SH2D6: variants seen among roughly 807,000 people sequenced by gnomAD.
SH2D6 encodes SH2 domain-containing protein 6.
A neutral mutation model predicts 30.2 loss-of-function variants in SH2D6; 31 were observed. The observed-to-expected ratio is 1.03, with a 90% CI of 0.77 to 1.38. The LOEUF (loss-of-function observed/expected upper bound fraction) is 1.38. Among genes scored for constraint, SH2D6 ranks in the 40% most tolerant of loss-of-function variants. SH2D6 has a pLI of 0.00. For missense variants in SH2D6, 240 were observed against 266.8 expected, an observed-to-expected ratio of 0.90 and a Z score of 0.70; for synonymous variants, 93 against 104.6, an observed-to-expected ratio of 0.89 and a Z score of 0.68.
At chr2:85,428,781 T>C (rs1288280197) in intron 7 of SH2D6, 84 bp downstream of exon 7, 1 of 152,174 alleles carries the variant, frequency 6.6e-6, no homozygotes, top group Non-Finnish European at 1.5e-5. Flanking sequence ...ATACACTCAG[T>C]TTCCTCATTT....
chr2:85,435,298 G>C, intron 20 of SH2D6, 115 bp from the exon 21 acceptor site: 1 of 1,313,920 alleles, frequency 7.6e-7, no homozygotes, highest in South Asian at 1.3e-5. Context: ...CTGCCTGAGG[G>C]GGACTCAGTT....
chr2:85,427,852 T>G (rs970520889), intron 6 of SH2D6, among the ~76,000 whole-genome samples: 4 of 152,104 alleles, frequency 2.6e-5, no homozygotes, highest in African/African-American at 9.7e-5. Context: ...TTGGATGCCC[T>G]TTTGCCTGCA....
At chr2:85,420,166 G>C (rs565294359) in intron 2 of SH2D6, among the ~76,000 whole-genome samples, 3 of 152,064 alleles carry the variant, frequency 2.0e-5, no homozygotes, top group Non-Finnish European at 4.4e-5. Flanking sequence ...GTGCAGTGGC[G>C]CAATCTCGGT....
At chr2:85,428,021 C>T (rs973231302) in intron 6 of SH2D6, among the ~76,000 whole-genome samples, 2 of 152,148 alleles carry the variant, frequency 1.3e-5, no homozygotes, top group Non-Finnish European at 2.9e-5. Flanking sequence ...AGCTCCAGGG[C>T]CTTAGAAGTT....
chr2:85,424,858 G>C (rs1687919183), intron 5 of SH2D6, among the ~76,000 whole-genome samples: 1 of 152,160 alleles, frequency 6.6e-6, no homozygotes, highest in Admixed American at 6.5e-5. Context: ...ACAAGGTCAG[G>C]AGTTTGAGAT....
chr2:85,426,928 A>G (rs533739667), intron 6 of SH2D6, among the ~76,000 whole-genome samples: 194 of 152,266 alleles, frequency 1.3e-3, no homozygotes, highest in Non-Finnish European at 2.4e-3. Context: ...CCAGGTAGGT[A>G]GTGTTGGAAT....
chr2:85,425,053 G>C (rs1221070186), intron 5 of SH2D6, among the ~76,000 whole-genome samples: 3 of 152,030 alleles, frequency 2.0e-5, no homozygotes, highest in Non-Finnish European at 2.9e-5. Context: ...GTGACAGAGC[G>C]AGACTCCATC....
At chr2:85,435,359 G>T in intron 20 of SH2D6, 54 bp from the exon 21 acceptor site, 1 of 1,577,410 alleles carries the variant, frequency 6.3e-7, no homozygotes, top group Non-Finnish European at 8.7e-7. Flanking sequence ...CCTCGGCTCC[G>T]CATGCCTGAT....
At chr2:85,421,133 A>G (rs1305335473) in intron 2 of SH2D6, among the ~76,000 whole-genome samples, 1 of 152,212 alleles carries the variant, frequency 6.6e-6, no homozygotes, top group South Asian at 2.1e-4. Context: ...TGTGCTGAAG[A>G]AGGAAGCCTA....
chr2:85,427,748 C>T (rs1298026469), intron 6 of SH2D6, among the ~76,000 whole-genome samples: 1 of 152,222 alleles, frequency 6.6e-6, no homozygotes, highest in African/African-American at 2.4e-5. Context: ...AGAACCAATT[C>T]TGGATGAGGA....
At position 85,435,086 on chromosome 2, in the gene SH2D6, C is replaced by T; in HGVS notation, c.611C>T (p.Pro204Leu). Residue 204 changes from proline (P) to leucine (L), a missense_variant, in exon 20 of 24, where the codon CCC (proline) becomes CTC (leucine). Coordinates refer to ENST00000469800, the MANE Select transcript of SH2D6 (RefSeq NM_001394463.1). ...ASKEGRKSSL[P>L]SVAPTGSASA... ...CTAGAAGGAAGGAAATCGTCTCTTC[C>T]CTCTGTAGCCCCCACTGGGAGTGCC... 2.8e-6 allele frequency: 4 copies of T among 1,449,410 alleles called. No homozygotes were observed. Among genetic ancestry groups the T allele is most frequent in the Non-Finnish European group, 2.8e-6 (3 of 1,076,374 alleles). 89.8% of individuals were successfully genotyped at this position (1,449,410 alleles called of 1,614,324 possible). A position where few individuals can be genotyped will look rare whatever the true frequency, so the allele number is the denominator to read the frequency against.
intron 16 of SH2D6, 38 bp downstream of exon 16, chr2:85,433,669 A>G (rs999190360): frequency 6.6e-5 from 69 of 1,049,338 alleles, no homozygotes; most frequent in Non-Finnish European, 7.4e-5. Context: ...CTCCTGCCCG[A>G]GGCCCTCAGC....
At chr2:85,433,241 A>C in intron 15 of SH2D6, 120 bp downstream of exon 15, 1 of 732,994 alleles carries the variant, frequency 1.4e-6, no homozygotes, top group Non-Finnish European at 1.7e-6. Flanking sequence ...AAAGGCCCAG[A>C]GCAGGGCCCC....
intron 20 of SH2D6, 94 bp downstream of exon 20, chr2:85,435,217 C>T: frequency 2.9e-6 from 4 of 1,384,616 alleles, no homozygotes; most frequent in Non-Finnish European, 4.0e-6. Context: ...GAAGGGTGCA[C>T]CACTGCAAGA....
At chr2:85,427,639 A>G (rs2104893397) in intron 6 of SH2D6, among the ~76,000 whole-genome samples, 1 of 152,366 alleles carries the variant, frequency 6.6e-6, no homozygotes, top group Middle Eastern at 3.4e-3. Context: ...CCCTGATTCC[A>G]AACGAGGTCC....
chr2:85,427,274 T>C (rs1278015132), intron 6 of SH2D6, among the ~76,000 whole-genome samples: 6 of 152,224 alleles, frequency 3.9e-5, no homozygotes, highest in Admixed American at 3.9e-4. Context: ...TGTGAGTTTC[T>C]AGTAAGTCCA....
At chr2:85,433,882 G>A (rs1689068667) in intron 16 of SH2D6, among the ~76,000 whole-genome samples, 151 bp from the exon 17 acceptor site, 1 of 152,258 alleles carries the variant, frequency 6.6e-6, no homozygotes, top group Non-Finnish European at 1.5e-5. Flanking sequence ...GCTGCGGCCA[G>A]GACAGCATCT....
chr2:85,432,293 G>A (rs1319357804), intron 14 of SH2D6, among the ~76,000 whole-genome samples: 1 of 146,598 alleles, frequency 6.8e-6, no homozygotes, highest in Admixed American at 7.0e-5. Flanking sequence ...TGTTACCCAT[G>A]CTGGAGTGCA....
chr2:85,433,995 G>A, intron 16 of SH2D6, 38 bp from the exon 17 acceptor site: 1 of 1,519,828 alleles, frequency 6.6e-7, no homozygotes, highest in Non-Finnish European at 8.9e-7. Flanking sequence ...TCCCTGCCTG[G>A]TGCTCAGCCG....
Sources: gnomAD v4.1 joint callset for allele counts (sites outside exome capture counted in the v4.1 genomes callset) on GRCh38, gnomAD v4.1.1 for gene constraint, MANE v1.5 for transcripts, NCBI Gene and HGNC (gene_info 2026-07-23, HGNC 2026-07-21) for gene names.